Variants in MDGA2 observed in about 807,000 individuals in gnomAD.
The protein encoded by MDGA2 is MAM domain containing glycosylphosphatidylinositol anchor 2, also known as MAM domain-containing glycosylphosphatidylinositol anchor protein 2.
MDGA2 carries 40 observed loss-of-function variants against 117.8 expected under a neutral mutation model. That is an observed-to-expected ratio of 0.34 (90% CI 0.26 to 0.44). MDGA2 has a LOEUF of 0.44. Among genes scored for constraint, MDGA2 ranks in the 20% least tolerant of loss-of-function variants. The pLI is 1.00. For synonymous variants in MDGA2, 452 were observed against 439.0 expected, an observed-to-expected ratio of 1.03 and a Z score of -0.37; for missense variants, 1,123 against 1,250.6, an observed-to-expected ratio of 0.90 and a Z score of 1.54.
chr14:47,606,938 T>C (rs1424471832), intron 1 of MDGA2, among the ~76,000 whole-genome samples: 1 of 152,164 alleles, frequency 6.6e-6, no homozygotes, highest in Non-Finnish European at 1.5e-5. Flanking sequence ...AACATTAGGA[T>C]GCCTGAATAA....
At chr14:47,071,250 A>T (rs1479815550) in intron 6 of MDGA2, among the ~76,000 whole-genome samples, 4 of 152,152 alleles carry the variant, frequency 2.6e-5, no homozygotes, top group Non-Finnish European at 5.9e-5. Context: ...GGTTAATTTA[A>T]TCCCTTTATA....
intron 1 of MDGA2, among the ~76,000 whole-genome samples, chr14:47,673,669 T>TGC (rs1555340930): frequency 1.3e-5 from 2 of 150,476 alleles, no homozygotes; most frequent in Non-Finnish European, 3.0e-5. Flanking sequence ...TGTGTGTGTG[T>TGC]GCTTCCATCC....
In MDGA2 at chr14:47,108,464, T is replaced by C. The variant is rs1227973301; in HGVS notation, c.926-11341A>G. Among the ~76,000 whole-genome samples, 36 of 150,736 alleles carry C rather than the reference T, an allele frequency of 2.4e-4. 1 individual carries two copies. Among genetic ancestry groups the C allele is most frequent in the African/African-American group, 8.3e-4 (34 of 40,958 alleles). ...ATGACATTCCACCACAAAAGAAGTGTAAATGGCCGGTCCTTGCCTTAACTG... is the reference window on the plus strand; with the variant it reads ...ATGACATTCCACCACAAAAGAAGTGCAAATGGCCGGTCCTTGCCTTAACTG... On this transcript the variant is annotated intron_variant, in intron 5 of 16. Transcript: ENST00000399232.
At chr14:47,206,339 C>A (rs1342457424) in intron 3 of MDGA2, among the ~76,000 whole-genome samples, 2 of 151,818 alleles carry the variant, frequency 1.3e-5, no homozygotes, top group African/African-American at 4.8e-5. Flanking sequence ...GCCTGTGATC[C>A]CAGCACTTTG....
At chr14:47,256,117 A>C (rs2139657358) in intron 2 of MDGA2, among the ~76,000 whole-genome samples, 1 of 147,350 alleles carries the variant, frequency 6.8e-6, no homozygotes, top group South Asian at 2.2e-4. Flanking sequence ...TTTTTTCTGA[A>C]GCCCTGATCT....
intron 2 of MDGA2, among the ~76,000 whole-genome samples, chr14:47,256,321 C>G (rs1887617916): frequency 1.3e-5 from 2 of 151,936 alleles, no homozygotes; most frequent in Admixed American, 1.3e-4. Flanking sequence ...ATAAAATATT[C>G]AATATGCCTG....
chr14:47,493,468 C>T (rs1016864285), intron 1 of MDGA2, among the ~76,000 whole-genome samples: 17 of 151,760 alleles, frequency 1.1e-4, no homozygotes, highest in Non-Finnish European at 2.5e-4. Flanking sequence ...GTGCGCACCA[C>T]TACTGCCTGG....
intron 2 of MDGA2, among the ~76,000 whole-genome samples, chr14:47,228,524 A>G (rs527693522): frequency 6.6e-6 from 1 of 152,334 alleles, no homozygotes; most frequent in Admixed American, 6.5e-5. Context: ...GCCCAGTTGT[A>G]TAATAATGTA....
rs553574495 is a variant in MDGA2 at position 47,398,470 on chromosome 14, G to A, written c.281-96920C>T. On this transcript the variant is annotated intron_variant, in intron 1 of 16. Transcript: ENST00000399232. ...GCTATGAAGAAAAAACTATTTTTTG[G>A]AGAGGTTGTTATGGGGATTATAGAA... 1.5e-4 allele frequency among the ~76,000 whole-genome samples: 23 copies of A among 152,150 alleles called. No individual in the cohort carries two copies. The South Asian group carries it at 4.1e-3, about 27-fold the overall frequency.
chr14:47,462,552 T>A (rs1177665647), intron 1 of MDGA2, among the ~76,000 whole-genome samples: 1 of 152,140 alleles, frequency 6.6e-6, no homozygotes, highest in Admixed American at 6.5e-5. Context: ...TTAGGTATTT[T>A]TTAAAATTCT....
At chr14:47,608,347 G>A (rs1355959996) in intron 1 of MDGA2, among the ~76,000 whole-genome samples, 1 of 152,038 alleles carries the variant, frequency 6.6e-6, no homozygotes, top group Non-Finnish European at 1.5e-5. Context: ...CATCAGTAAG[G>A]CAACTTATAT....
intron 1 of MDGA2, among the ~76,000 whole-genome samples, chr14:47,654,613 C>T (rs906737507): frequency 6.6e-6 from 1 of 152,036 alleles, no homozygotes; most frequent in African/African-American, 2.4e-5. Flanking sequence ...GAGAATGGAA[C>T]ATAAAGTTGA....
chr14:47,161,241 T>TA (rs1883620284), intron 3 of MDGA2, among the ~76,000 whole-genome samples: 1 of 152,098 alleles, frequency 6.6e-6, no homozygotes, highest in South Asian at 2.1e-4. Context: ...CATTACTTTT[T>TA]AAAAAAATAA....
chr14:47,157,676 A>G (rs1883453047), intron 3 of MDGA2, among the ~76,000 whole-genome samples: 1 of 149,444 alleles, frequency 6.7e-6, no homozygotes, highest in Non-Finnish European at 1.5e-5. Flanking sequence ...CCCAAATCTC[A>G]TCCTGAATTG....
At chr14:47,470,120 A>T (rs566262414) in intron 1 of MDGA2, among the ~76,000 whole-genome samples, 3,556 of 148,586 alleles carry the variant, frequency 0.024, 77 homozygotes, top group African/African-American at 0.061. Context: ...ATTTATTTTT[A>T]TTTTTTTTTT....
intron 8 of MDGA2, among the ~76,000 whole-genome samples, chr14:46,977,368 C>T (rs1046902025): frequency 1.3e-5 from 2 of 151,420 alleles, no homozygotes; most frequent in South Asian, 4.1e-4. Flanking sequence ...GTCACAAGGA[C>T]TGACAAACAT....
At chr14:47,234,692 C>G (rs913859692) in intron 2 of MDGA2, among the ~76,000 whole-genome samples, 1 of 152,094 alleles carries the variant, frequency 6.6e-6, no homozygotes, top group Non-Finnish European at 1.5e-5. Flanking sequence ...TTTGCCTCAC[C>G]TAATACATTT....
intron 2 of MDGA2, among the ~76,000 whole-genome samples, chr14:47,225,079 T>C (rs1886436941): frequency 1.3e-5 from 2 of 152,198 alleles, no homozygotes; most frequent in Non-Finnish European, 2.9e-5. Flanking sequence ...ATTTTAACCT[T>C]AACATTTCTC....
At chr14:47,191,047 A>G (rs1885090165) in intron 3 of MDGA2, among the ~76,000 whole-genome samples, 1 of 152,050 alleles carries the variant, frequency 6.6e-6, no homozygotes, top group Non-Finnish European at 1.5e-5. Flanking sequence ...AGATTTAGGG[A>G]AGGATAGTTT....
Sources: gnomAD v4.1 joint callset for allele counts (sites outside exome capture counted in the v4.1 genomes callset) on GRCh38, gnomAD v4.1.1 for gene constraint, MANE v1.5 for transcripts, NCBI Gene and HGNC (gene_info 2026-07-23, HGNC 2026-07-21) for gene names.